Variants in SLC5A9 observed in about 807,000 individuals in gnomAD.
The protein encoded by SLC5A9 is sodium/glucose cotransporter 4.
A neutral mutation model predicts 70.9 loss-of-function variants in SLC5A9; 59 were observed. The ratio of observed to expected loss-of-function variants is 0.83; its 90% CI spans 0.68 to 1.03. SLC5A9 has a LOEUF of 1.03. Ranked by LOEUF, SLC5A9 falls within the 50% of genes least tolerant of loss-of-function variation. The pLI is 0.00. For missense variants in SLC5A9, 832 were observed against 881.1 expected, an observed-to-expected ratio of 0.94 and a Z score of 0.71; for synonymous variants, 340 against 346.5, an observed-to-expected ratio of 0.98 and a Z score of 0.21.
Position 48,228,948 on chromosome 1 carries a change from G to A in SLC5A9, c.333G>A (p.Glu111=), listed in dbSNP as rs952815314. ...GAGGCCTTGCCGTAGGTGGCTTCGA[G>A]TGGAACGTAAGGAAGCTGGCCTGGT... ...AAGGLAVGGF[E]WNATWLLLAL... Residue 111 remains glutamate (E), a synonymous_variant, in exon 3 of 14, where the codon GAG becomes GAA. Coordinates refer to ENST00000438567, the MANE Select transcript of SLC5A9 (RefSeq NM_001011547.3). The A allele has an allele frequency of 6.2e-7, 1 of 1,613,278 alleles. No individual in the cohort carries two copies.
intron 4 of SLC5A9, among the ~76,000 whole-genome samples, 166 bp from the exon 5 acceptor site, chr1:48,230,434 T>C (rs920928871): frequency 1.3e-5 from 2 of 152,212 alleles, no homozygotes; most frequent in Non-Finnish European, 2.9e-5. Flanking sequence ...CGCCTCAGTG[T>C]CTGCAAGATA....
At chr1:48,244,907 TATAA>T (rs1191398614) in intron 13 of SLC5A9, among the ~76,000 whole-genome samples, 2 of 113,646 alleles carry the variant, frequency 1.8e-5, no homozygotes, top group East Asian at 5.4e-4. Flanking sequence ...TATATATATA[TATAA>T]AACCTCTGTC....
rs755798541 is a variant in SLC5A9, at chr1:48,247,441, G to C, written c.1944G>C (p.Lys648Asn). 1 of 1,614,184 alleles carries C rather than the reference G, an allele frequency of 6.2e-7. No individual in the cohort carries two copies. The highest frequency in any genetic ancestry group is 1.3e-5 in the African/African-American group (1 of 75,030). Reference protein sequence around the residue: ...SPAEKAALEQKLTSIEEEPLW... With the variant: ...SPAEKAALEQNLTSIEEEPLW... ...CAGAGAAGGCTGCGCTAGAACAGAA[G>C]CTGACAAGCATTGAGGAGGAGCCAC... Residue 648 changes from lysine (K) to asparagine (N), a missense_variant, in exon 14 of 14, where the codon AAG becomes AAC. Lys to Asn is a moderately conservative substitution (Grantham distance 94). Coordinates refer to ENST00000438567, the MANE Select transcript of SLC5A9 (RefSeq NM_001011547.3).
intron 3 of SLC5A9, 83 bp from the exon 4 acceptor site, chr1:48,229,212 C>T (rs937573735): frequency 1.5e-5 from 24 of 1,614,046 alleles, no homozygotes; most frequent in Non-Finnish European, 2.0e-5. Flanking sequence ...CCTCCCACAG[C>T]ACAGCACTGC....
intron 2 of SLC5A9, among the ~76,000 whole-genome samples, chr1:48,227,044 G>C (rs1644158278): frequency 1.3e-5 from 2 of 152,072 alleles, no homozygotes; most frequent in Admixed American, 6.6e-5. Flanking sequence ...GCTTGTGTGT[G>C]TGTGCTTTGC....
At chr1:48,233,625 G>A (rs961943575) in intron 8 of SLC5A9, 30 bp from the exon 9 acceptor site, 10 of 1,574,942 alleles carry the variant, frequency 6.3e-6, no homozygotes, top group Middle Eastern at 1.7e-4. Context: ...ACGAGATCAC[G>A]GACTCTAACT....
chr1:48,244,118 T>C (rs1448226841), intron 13 of SLC5A9, among the ~76,000 whole-genome samples: 2 of 152,082 alleles, frequency 1.3e-5, no homozygotes, highest in Admixed American at 6.5e-5. Context: ...GTAAAATCAT[T>C]AAGATTTTTT....
At position 48,247,833 on chromosome 1, in the gene SLC5A9, C is replaced by G. The variant is rs564622295; in HGVS notation, c.*290C>G. The G allele has an allele frequency of 6.7e-6, 3 of 447,820 alleles. No homozygotes were observed. Among genetic ancestry groups the G allele is most frequent in the Non-Finnish European group, 1.2e-5 (3 of 245,574 alleles). 27.7% of individuals were successfully genotyped at this position (447,820 alleles called of 1,614,324 possible). On this transcript the variant is annotated 3_prime_UTR_variant, in exon 14 of 14. Coordinates refer to ENST00000438567, the MANE Select transcript of SLC5A9 (RefSeq NM_001011547.3). ...CCTACCTCAAACACACTGTTTCCAC[C>G]CTCTTCTTGAATGTATTCAGTAGCC...
At position 48,231,599 on chromosome 1, in the gene SLC5A9, G is replaced by C. The variant is rs1187710020; in HGVS notation, c.665G>C (p.Gly222Ala). ...TDALQTVIMV[G>A]GALVLMFLGF... ...GCTCTGCAGACGGTGATCATGGTAG[G>C]GGGAGCCCTGGTCCTCATGTTTCTG... Residue 222 changes from glycine to alanine, a missense_variant, in exon 6 of 14, where the codon GGG (glycine) becomes GCG (alanine). Gly to Ala is a moderately conservative substitution (Grantham distance 60). Transcript: ENST00000438567. 1 of 1,614,032 alleles carries C rather than the reference G, an allele frequency of 6.2e-7. No homozygotes were observed. The highest frequency in any genetic ancestry group is 8.5e-7 in the Non-Finnish European group (1 of 1,180,012).
chr1:48,242,227 C>T, intron 12 of SLC5A9: 1 of 548,532 alleles, frequency 1.8e-6, no homozygotes, highest in South Asian at 2.0e-5. Context: ...GTCTGTATTC[C>T]AGCACCTAGC....
In SLC5A9 at chr1:48,244,902, A is replaced by ATATATATATG. The variant is rs1250726568; in HGVS notation, c.1837+2294_1837+2295insTGTATATATA. Reference sequence around the variant, plus strand: ...TGTATATATATATATATATATATATATATATATAAAACCTCTGTCTCAGAA... The same window carrying ATATATATATG: ...TGTATATATATATATATATATATATATATATATATGTATATATAAAACCTCTGTCTCAGAA... On this transcript the variant is annotated intron_variant, in intron 13 of 13. Transcript: ENST00000438567. Among the ~76,000 whole-genome samples, 5 of 112,548 alleles carry ATATATATATG rather than the reference A, an allele frequency of 4.4e-5. 2 individuals carry two copies. The highest frequency in any genetic ancestry group is 9.0e-5 in the Non-Finnish European group (5 of 55,366). The allele number at this position is 112,548 out of a possible 152,430, so 73.8% of individuals were successfully genotyped here.
intron 7 of SLC5A9, 49 bp from the exon 8 acceptor site, chr1:48,232,318 T>G: frequency 6.2e-7 from 1 of 1,604,024 alleles, no homozygotes; most frequent in Non-Finnish European, 8.5e-7. Context: ...TGTGGCTTAA[T>G]GAGCCTCTCC....
rs772684674 is a variant in SLC5A9 at position 48,237,858 on chromosome 1, T to A, written c.1461+11T>A. On this transcript the variant is annotated intron_variant, in intron 11 of 13. Transcript: ENST00000438567. ...AGGGTCACAGAGCCCGTGAGTGCAG[T>A]GTACCTGTCTCTCACATACAGCAGA... 2.5e-6 allele frequency: 4 copies of A among 1,613,694 alleles called. No homozygotes were observed. The highest frequency in any genetic ancestry group is 3.4e-6 in the Non-Finnish European group (4 of 1,179,764).
intron 13 of SLC5A9, among the ~76,000 whole-genome samples, chr1:48,244,851 C>G (rs531853734): frequency 0.36 from 3,782 of 10,594 alleles, 637 homozygotes; most frequent in African/African-American, 0.5. Context: ...ATATATAAAA[C>G]CTGTGTGTGT....
At position 48,242,057 on chromosome 1, in the gene SLC5A9, G is replaced by A. The variant is rs1308439860; in HGVS notation, c.1678-400G>A. The A allele has an allele frequency of 2.2e-5, 10 of 459,434 alleles. No homozygotes were observed. The Admixed American group carries it at 2.3e-4, about 11-fold the overall frequency. The allele number at this position is 459,434 out of a possible 1,614,324, so 28.5% of individuals were successfully genotyped here. On this transcript the variant is annotated intron_variant, in intron 12 of 13. Transcript: ENST00000438567. Reference sequence around the variant, plus strand: ...ACTTACAGTCTATCTGCTGCTTAAAGTCTGCAGTGACTCTCCATTGCCTAC... The same window carrying A: ...ACTTACAGTCTATCTGCTGCTTAAAATCTGCAGTGACTCTCCATTGCCTAC...
chr1:48,229,600 T>G, intron 4 of SLC5A9, 141 bp downstream of exon 4: 1 of 1,371,904 alleles, frequency 7.3e-7, no homozygotes, highest in East Asian at 2.4e-5. Flanking sequence ...AAACATTTAA[T>G]GCATGTTCTG....
chr1:48,229,667 C>A (rs1199995859), intron 4 of SLC5A9: 4 of 638,858 alleles, frequency 6.3e-6, no homozygotes, highest in Non-Finnish European at 1.0e-5. Context: ...TGAATGACAG[C>A]CCCTACACTC....
intron 3 of SLC5A9, 155 bp from the exon 4 acceptor site, chr1:48,229,140 A>G (rs1644208617): frequency 6.2e-7 from 1 of 1,613,832 alleles, no homozygotes; most frequent in Non-Finnish European, 8.5e-7. Context: ...AGAGGGATCC[A>G]TCCAAGGTCA....
At chr1:48,244,910 A>ATATATATATATATAG (rs56780309) in intron 13 of SLC5A9, among the ~76,000 whole-genome samples, 1 of 110,632 alleles carries the variant, frequency 9.0e-6, no homozygotes. Context: ...ATATATATAT[A>ATATATATATATATAG]AAACCTCTGT....
Sources: gnomAD v4.1 joint callset for allele counts (sites outside exome capture counted in the v4.1 genomes callset) on GRCh38, gnomAD v4.1.1 for gene constraint, MANE v1.5 for transcripts, NCBI Gene and HGNC (gene_info 2026-07-23, HGNC 2026-07-21) for gene names.